Variants in LRP1B observed in about 807,000 individuals in gnomAD.
LRP1B encodes low-density lipoprotein receptor-related protein 1B.
In LRP1B, 217 loss-of-function variants were observed where a neutral mutation model predicts 556.6. The ratio of observed to expected loss-of-function variants is 0.39; its 90% CI spans 0.35 to 0.44. The LOEUF is 0.44. LRP1B is among the 20% of genes least tolerant of loss of function. LRP1B has a pLI of 1.00. For missense variants in LRP1B, 5,053 were observed against 5,620.8 expected (o/e 0.90, Z 3.23); for synonymous variants, 2,047 against 1,865.8 (o/e 1.10, Z -2.50).
At chr2:141,419,007 A>C (rs1680040468) in intron 3 of LRP1B, among the ~76,000 whole-genome samples, 2 of 152,080 alleles carry the variant, frequency 1.3e-5, no homozygotes, top group South Asian at 4.2e-4. Context: ...TTCTTATTGA[A>C]TATTACTTTT....
At chr2:141,855,152 C>T (rs533952976) in intron 1 of LRP1B, among the ~76,000 whole-genome samples, 1 of 152,078 alleles carries the variant, frequency 6.6e-6, no homozygotes, top group South Asian at 2.1e-4. Context: ...AGGATTGGCT[C>T]TCAAGATGAA....
intron 7 of LRP1B, among the ~76,000 whole-genome samples, chr2:141,064,894 T>C (rs1247016585): frequency 6.6e-6 from 1 of 151,922 alleles, no homozygotes. Flanking sequence ...ACTCTCTTCT[T>C]TTCTATAACA....
At chr2:141,093,092 A>C (rs1436876713) in intron 7 of LRP1B, among the ~76,000 whole-genome samples, 2 of 151,958 alleles carry the variant, frequency 1.3e-5, no homozygotes, top group East Asian at 3.9e-4. Context: ...ATGGCACGAT[A>C]GTCATCTATG....
At chr2:140,260,663 C>A (rs1410124572) in intron 86 of LRP1B, among the ~76,000 whole-genome samples, 4 of 151,588 alleles carry the variant, frequency 2.6e-5, no homozygotes, top group African/African-American at 7.3e-5. Context: ...ATGAAAATCC[C>A]TTTCCCTATA....
chr2:141,441,181 A>T (rs113109503), intron 3 of LRP1B, among the ~76,000 whole-genome samples: 1 of 151,982 alleles, frequency 6.6e-6, no homozygotes, highest in Non-Finnish European at 1.5e-5. Context: ...GGTTCAAGTG[A>T]TTCTCCTGCT....
In LRP1B at chr2:141,072,590, T is replaced by G. The variant is rs911201830; in HGVS notation, c.1014-10317A>C. ...TCACTCTTCCACTTGACTGTCTGTT[T>G]ACTATCAGTCTCAGGTACTCCCTCT... On this transcript the variant is annotated intron_variant, in intron 7 of 90. Coordinates refer to ENST00000389484, the MANE Select transcript of LRP1B (RefSeq NM_018557.3). Among the ~76,000 whole-genome samples, 3 of 151,966 alleles carry G rather than the reference T, an allele frequency of 2.0e-5. No individual in the cohort carries two copies. The East Asian group carries it at 5.8e-4, about 30-fold the overall frequency.
At chr2:141,586,588 A>G (rs1046116438) in intron 2 of LRP1B, among the ~76,000 whole-genome samples, 16 of 152,308 alleles carry the variant, frequency 1.1e-4, no homozygotes, top group African/African-American at 3.8e-4. Flanking sequence ...GATGATGTTT[A>G]TATTTGTACT....
intron 3 of LRP1B, among the ~76,000 whole-genome samples, chr2:141,314,636 A>G (rs1686930147): frequency 6.6e-6 from 1 of 150,756 alleles, no homozygotes. Flanking sequence ...CTAAAAATAG[A>G]AAAAATTAGC....
At chr2:141,211,089 G>A (rs1682521196) in intron 6 of LRP1B, among the ~76,000 whole-genome samples, 4 of 152,004 alleles carry the variant, frequency 2.6e-5, no homozygotes, top group Admixed American at 1.3e-4. Context: ...CCAGGTTCAA[G>A]CGATTCTCCT....
chr2:141,615,016 C>T lies in LRP1B; in HGVS notation c.206-134483G>A, dbSNP rs558541846. On this transcript the variant is annotated intron_variant, in intron 2 of 90. Transcript: ENST00000389484. ...CATTTAATAGGAAGAGCCTAGATTG[C>T]TTTGAAAAGACTGTTGATAGAAACA... Among the ~76,000 whole-genome samples, 96 of 152,236 alleles carry T rather than the reference C, an allele frequency of 6.3e-4. 1 individual carries two copies. Among genetic ancestry groups the T allele is most frequent in the African/African-American group, 1.9e-3 (77 of 41,536 alleles).
At chr2:141,803,062 A>C (rs1478025398) in intron 2 of LRP1B, among the ~76,000 whole-genome samples, 1 of 151,894 alleles carries the variant, frequency 6.6e-6, no homozygotes, top group Non-Finnish European at 1.5e-5. Context: ...GCCCCGCCTG[A>C]GGGACATGTG....
chr2:141,722,776 AGATC>A lies in LRP1B; in HGVS notation c.205+87499_205+87502del, dbSNP rs1692879812. 2.7e-5 allele frequency among the ~76,000 whole-genome samples: 4 copies of A among 148,330 alleles called. No homozygotes were observed. In the South Asian group the frequency reaches 8.8e-4, roughly 33 times the overall value. On this transcript the variant is annotated intron_variant, in intron 2 of 90. Transcript: ENST00000389484. ...TAGATAGATAGATAGATAGATAGAT[AGATC>A]AATCTATCACCTGTACAGGAATATG...
intron 2 of LRP1B, among the ~76,000 whole-genome samples, chr2:141,562,661 C>G (rs62169798): frequency 6.6e-6 from 1 of 151,838 alleles, no homozygotes; most frequent in Non-Finnish European, 1.5e-5. Flanking sequence ...TGGCTTCACT[C>G]CGTAAAACAA....
At chr2:141,635,636 C>T (rs1428696361) in intron 2 of LRP1B, among the ~76,000 whole-genome samples, 1 of 152,114 alleles carries the variant, frequency 6.6e-6, no homozygotes, top group Non-Finnish European at 1.5e-5. Flanking sequence ...TGAAATATGT[C>T]TAAATGTTTT....
chr2:140,462,131 C>G (rs536016923), intron 60 of LRP1B, among the ~76,000 whole-genome samples: 239 of 152,296 alleles, frequency 1.6e-3, no homozygotes, highest in African/African-American at 5.5e-3. Context: ...TCAAATCAAA[C>G]ATTAAATCCT....
chr2:141,853,363 C>T (rs150650844), intron 1 of LRP1B, among the ~76,000 whole-genome samples: 1 of 151,508 alleles, frequency 6.6e-6, no homozygotes, highest in Admixed American at 6.6e-5. Context: ...ATGATATGTA[C>T]TTTAATTGTG....
Position 140,546,248 on chromosome 2 carries a change from C to T in LRP1B, c.7195-4277G>A, listed in dbSNP as rs1680333960. On this transcript the variant is annotated intron_variant, in intron 43 of 90. Coordinates refer to ENST00000389484, the MANE Select transcript of LRP1B (RefSeq NM_018557.3). ...CTGCAAACAAGGATATTTTGATTTC[C>T]TCTTTCACTTGGATGCCCCTTCTTT... 2.0e-5 allele frequency among the ~76,000 whole-genome samples: 3 copies of T among 152,120 alleles called. 1 individual carries two copies. In the South Asian group the frequency reaches 6.2e-4, roughly 32 times the overall value.
At chr2:140,836,582 A>T (rs1240294481) in intron 31 of LRP1B, among the ~76,000 whole-genome samples, 1 of 152,166 alleles carries the variant, frequency 6.6e-6, no homozygotes, top group Non-Finnish European at 1.5e-5. Flanking sequence ...GATGTTAGTG[A>T]TCTACGAACA....
intron 18 of LRP1B, among the ~76,000 whole-genome samples, chr2:140,953,804 T>G (rs2105305819): frequency 6.6e-6 from 1 of 152,324 alleles, no homozygotes; most frequent in African/African-American, 2.4e-5. Flanking sequence ...TGAGAGAAAT[T>G]AGACTTGCCT....
Sources: allele counts gnomAD v4.1 joint callset (sites outside exome capture counted in the v4.1 genomes callset), GRCh38; gene constraint gnomAD v4.1.1; transcripts MANE v1.5; gene names NCBI Gene and HGNC (gene_info 2026-07-23, HGNC 2026-07-21).